RAP1GAP2: variants seen among roughly 807,000 people sequenced by gnomAD.
RAP1GAP2 encodes rap1 GTPase-activating protein 2.
In RAP1GAP2, 27 loss-of-function variants were observed where a neutral mutation model predicts 95.0. That is an observed-to-expected ratio of 0.28 (90% CI 0.21 to 0.39). RAP1GAP2 has a LOEUF of 0.39. Ranked by LOEUF, RAP1GAP2 falls within the 10% of genes least tolerant of loss-of-function variation. The pLI, the probability that RAP1GAP2 is intolerant of heterozygous loss-of-function variation, is 1.00. For missense variants in RAP1GAP2, 771 were observed against 970.0 expected (o/e 0.79, Z 2.72); for synonymous variants, 373 against 380.9 (o/e 0.98, Z 0.24).
In RAP1GAP2 at chr17:3,008,911, G is replaced by A. The variant is rs193146327; in HGVS notation, c.1494+766G>A. Among the ~76,000 whole-genome samples the A allele has an allele frequency of 3.2e-3, 486 of 152,254 alleles. No homozygotes were observed. The highest frequency in any genetic ancestry group is 0.01 in the African/African-American group (432 of 41,550). On this transcript the variant is annotated intron_variant, in intron 17 of 24. Transcript: ENST00000254695. This position sits in a 1 kb window ranked among gnomAD's most constrained non-coding sequence, Gnocchi z 4.2. Reference sequence around the variant, plus strand: ...CACACGTGGGGACAGGATGAGAGACGCCACAGGCCTGCTCAGGTCCTTACA... The same window carrying A: ...CACACGTGGGGACAGGATGAGAGACACCACAGGCCTGCTCAGGTCCTTACA...
intron 2 of RAP1GAP2, among the ~76,000 whole-genome samples, chr17:2,884,685 A>G (rs939199167): frequency 6.6e-6 from 1 of 151,894 alleles, no homozygotes; most frequent in Admixed American, 6.6e-5. Flanking sequence ...AGCGTTCTTG[A>G]ATTTGAATTC....
At position 2,827,965 on chromosome 17, in the gene RAP1GAP2, G is replaced by T. The variant is rs1047784174; in HGVS notation, c.80+27415G>T. On this transcript the variant is annotated intron_variant, in intron 2 of 24. Coordinates refer to ENST00000254695, the MANE Select transcript of RAP1GAP2 (RefSeq NM_015085.5). The surrounding 1 kb of genome is among the most constrained non-coding windows in gnomAD (Gnocchi z 4.1). The stretch of plus-strand genomic sequence containing the variant: ...GCTCCGGCCAGCCCTTCCCTGTGGG[G>T]GAGCCACAAGAGGCCGTCCCTGGGC... 2.6e-5 allele frequency among the ~76,000 whole-genome samples: 4 copies of T among 152,228 alleles called. No homozygotes were observed. The highest frequency in any genetic ancestry group is 2.0e-4 in the Admixed American group (3 of 15,276).
intron 17 of RAP1GAP2, 47 bp from the exon 18 acceptor site, chr17:3,018,014 C>A: frequency 6.5e-7 from 1 of 1,538,536 alleles, no homozygotes; most frequent in Non-Finnish European, 8.8e-7. Flanking sequence ...CAGAGTCATC[C>A]GGAGAGCCCG....
intron 4 of RAP1GAP2, among the ~76,000 whole-genome samples, chr17:2,960,566 C>T (rs1024177218): frequency 2.0e-5 from 3 of 152,354 alleles, no homozygotes; most frequent in Middle Eastern, 3.4e-3. Context: ...GTGTGGGGTA[C>T]GTCACGCGCT....
chr17:2,963,260 G>T lies in RAP1GAP2; in HGVS notation c.247-170G>T. 1.3e-6 allele frequency: 1 copy of T among 769,564 alleles called. No homozygotes were observed. Among genetic ancestry groups the T allele is most frequent in the Non-Finnish European group, 2.2e-6 (1 of 447,100 alleles). The allele number at this position is 769,564 out of a possible 1,614,324, so 47.7% of individuals were successfully genotyped here. A position where few individuals can be genotyped will look rare whatever the true frequency, so the allele number is the denominator to read the frequency against. The stretch of plus-strand genomic sequence containing the variant: ...GTTTGGGTTCTGTCAGTTTGGAGAA[G>T]AACATGGGGGATGTTAGATTCCAGA... On this transcript the variant is annotated intron_variant, in intron 5 of 24. Coordinates refer to ENST00000254695, the MANE Select transcript of RAP1GAP2 (RefSeq NM_015085.5). The surrounding 1 kb of genome is among the most constrained non-coding windows in gnomAD (Gnocchi z 4.8).
chr17:2,918,373 C>T (rs112527205), intron 3 of RAP1GAP2, among the ~76,000 whole-genome samples: 17,434 of 141,342 alleles, frequency 0.12, 1,417 homozygotes, highest in Middle Eastern at 0.21. Context: ...GTGGAGGTTG[C>T]AGTGAGTCGA....
chr17:2,911,260 A>ATTTTTTTTTT (rs34227127), intron 3 of RAP1GAP2, among the ~76,000 whole-genome samples: 2 of 132,032 alleles, frequency 1.5e-5, no homozygotes, highest in Non-Finnish European at 3.1e-5. Flanking sequence ...TTTGAAGGGG[A>ATTTTTTTTTT]TTTTTTTTTT....
At chr17:2,921,060 C>T (rs141656953) in intron 3 of RAP1GAP2, among the ~76,000 whole-genome samples, 3 of 152,118 alleles carry the variant, frequency 2.0e-5, no homozygotes, top group Non-Finnish European at 4.4e-5. Context: ...CTCCCGGAGC[C>T]CCCCCGGCAG....
intron 8 of RAP1GAP2, among the ~76,000 whole-genome samples, chr17:2,977,872 C>T (rs1302080023): frequency 6.6e-6 from 1 of 151,254 alleles, no homozygotes; most frequent in Non-Finnish European, 1.5e-5. Context: ...GCCAGTGTTG[C>T]TTTTGAACAG....
In RAP1GAP2 at chr17:2,857,274, C is replaced by A. The variant is rs2072181576; in HGVS notation, c.81-48010C>A. On this transcript the variant is annotated intron_variant, in intron 2 of 24. Coordinates refer to ENST00000254695, the MANE Select transcript of RAP1GAP2 (RefSeq NM_015085.5). The surrounding 1 kb of genome is among the most constrained non-coding windows in gnomAD (Gnocchi z 4.0). ...AATGGTTGTGTGTGGCTTGCAGGGA[C>A]CACCCAGTGGTCTTTTTCATCCTCC... is the stretch of plus-strand genomic sequence containing the variant. Among the ~76,000 whole-genome samples the A allele has an allele frequency of 6.6e-6, 1 of 152,170 alleles. No individual in the cohort carries two copies. Among genetic ancestry groups the A allele is most frequent in the Admixed American group, 6.5e-5 (1 of 15,270 alleles).
rs1277175511 is a variant in RAP1GAP2, at chr17:2,850,633, C to T, written c.80+50083C>T. On this transcript the variant is annotated intron_variant, in intron 2 of 24. Coordinates refer to ENST00000254695, the MANE Select transcript of RAP1GAP2 (RefSeq NM_015085.5). ...GGCATGGTGGCGGGCGCCTGTAATC[C>T]CAGCTACTCGGGAGGCTGAGGCAGG... 4.0e-5 allele frequency among the ~76,000 whole-genome samples: 6 copies of T among 150,300 alleles called. No individual in the cohort carries two copies. The South Asian group carries it at 1.1e-3, about 27-fold the overall frequency.
chr17:2,835,840 C>T (rs1324240823), intron 2 of RAP1GAP2, among the ~76,000 whole-genome samples: 1 of 152,190 alleles, frequency 6.6e-6, no homozygotes, highest in Non-Finnish European at 1.5e-5. Flanking sequence ...CTGGAATAGT[C>T]CTTGATTTTA....
Position 3,005,117 on chromosome 17 carries a change from C to A in RAP1GAP2, c.1201-252C>A, listed in dbSNP as rs946038850. Among the ~76,000 whole-genome samples the A allele has an allele frequency of 6.6e-6, 1 of 152,180 alleles. No homozygotes were observed. Among genetic ancestry groups the A allele is most frequent in the Non-Finnish European group, 1.5e-5 (1 of 68,028 alleles). ...TTAAAATTAGGGTCCCAGCCCTGTCCAGTCATCTTGCCAAACCTGCTTCTG... is the reference window on the plus strand; with the variant it reads ...TTAAAATTAGGGTCCCAGCCCTGTCAAGTCATCTTGCCAAACCTGCTTCTG... On this transcript the variant is annotated intron_variant, in intron 14 of 24. Transcript: ENST00000254695. This position sits in a 1 kb window ranked among gnomAD's most constrained non-coding sequence, Gnocchi z 5.2.
At chr17:2,865,064 A>G (rs1486957706) in intron 2 of RAP1GAP2, among the ~76,000 whole-genome samples, 1 of 152,176 alleles carries the variant, frequency 6.6e-6, no homozygotes, top group Non-Finnish European at 1.5e-5. Flanking sequence ...TGGCGTCTCC[A>G]ATGTCACCTA....
In RAP1GAP2 at chr17:2,827,713, C is replaced by T. The variant is rs1240383911; in HGVS notation, c.80+27163C>T. ...ATCCCCAAGCTCTTCTCCCAGCCCA[C>T]CCGGCACCAGCCAGTTTGAGCTCTG... is the stretch of plus-strand genomic sequence containing the variant. On this transcript the variant is annotated intron_variant, in intron 2 of 24. Coordinates refer to ENST00000254695, the MANE Select transcript of RAP1GAP2 (RefSeq NM_015085.5). The surrounding 1 kb of genome is among the most constrained non-coding windows in gnomAD (Gnocchi z 4.1). 6.6e-6 allele frequency among the ~76,000 whole-genome samples: 1 copy of T among 152,104 alleles called. No individual in the cohort carries two copies. Among genetic ancestry groups the T allele is most frequent in the Non-Finnish European group, 1.5e-5 (1 of 68,030 alleles).
At chr17:2,790,398 C>T (rs536136728) in intron 1 of RAP1GAP2, among the ~76,000 whole-genome samples, 87 of 152,240 alleles carry the variant, frequency 5.7e-4, no homozygotes, top group Admixed American at 1.4e-3. Flanking sequence ...GGATTACAGG[C>T]GTGAGCCACC....
intron 2 of RAP1GAP2, among the ~76,000 whole-genome samples, chr17:2,826,217 A>G (rs1233224700): frequency 7.1e-6 from 1 of 140,052 alleles, no homozygotes; most frequent in Non-Finnish European, 1.5e-5. Flanking sequence ...GGATGGTCTC[A>G]ATCTCCTAAC....
chr17:2,830,100 C>G (rs2151542007), intron 2 of RAP1GAP2, among the ~76,000 whole-genome samples: 1 of 152,246 alleles, frequency 6.6e-6, no homozygotes, highest in South Asian at 2.1e-4. Context: ...TAAGAGTTTA[C>G]TCTCTTAAAG....
Position 2,884,473 on chromosome 17 carries a change from A to G in RAP1GAP2, c.81-20811A>G, listed in dbSNP as rs549290508. ...CTGTAACCTTCGCCTCCCCGGTTCA[A>G]GCGATTCTCCTGCCTCAGCCTCCCA... On this transcript the variant is annotated intron_variant, in intron 2 of 24. Transcript: ENST00000254695. Among the ~76,000 whole-genome samples, 3 of 150,436 alleles carry G rather than the reference A, an allele frequency of 2.0e-5. No homozygotes were observed. In the South Asian group the frequency reaches 6.3e-4, roughly 32 times the overall value.
Sources: gnomAD v4.1 joint callset for allele counts (sites outside exome capture counted in the v4.1 genomes callset) on GRCh38, gnomAD v4.1.1 for gene constraint, Gnocchi (gnomAD v3.1) non-coding constraint, MANE v1.5 for transcripts, NCBI Gene and HGNC (gene_info 2026-07-23, HGNC 2026-07-21) for gene names.